PCSK5: variants seen among roughly 807,000 people sequenced by gnomAD.
The protein encoded by PCSK5 is proprotein convertase subtilisin/kexin type 5, also known as prohormone convertase 5.
A neutral mutation model predicts 233.2 loss-of-function variants in PCSK5; 129 were observed. The ratio of observed to expected loss-of-function variants is 0.55; its 90% CI spans 0.48 to 0.64. The LOEUF (loss-of-function observed/expected upper bound fraction) is 0.64, where lower values mean the gene tolerates loss of function less well. PCSK5 is among the 30% of genes least tolerant of loss of function. PCSK5 has a pLI of 0.00. For missense variants in PCSK5, 2,076 were observed against 2,430.1 expected (o/e 0.85, Z 3.06); for synonymous variants, 825 against 879.2 (o/e 0.94, Z 1.09).
chr9:75,983,252 T>A (rs1826358010), intron 2 of PCSK5, among the ~76,000 whole-genome samples: 1 of 152,214 alleles, frequency 6.6e-6, no homozygotes, highest in Non-Finnish European at 1.5e-5. Flanking sequence ...CCCATTTATA[T>A]TTATGTAATA....
intron 20 of PCSK5, among the ~76,000 whole-genome samples, chr9:76,209,309 C>T (rs959870039): frequency 6.6e-6 from 1 of 152,184 alleles, no homozygotes; most frequent in Non-Finnish European, 1.5e-5. Flanking sequence ...CTATCGCTAC[C>T]CCTTACCAGC....
intron 1 of PCSK5, among the ~76,000 whole-genome samples, chr9:75,909,873 C>G (rs1449892083): frequency 6.6e-6 from 1 of 152,118 alleles, no homozygotes; most frequent in African/African-American, 2.4e-5. Flanking sequence ...TTGAGCATGG[C>G]CAGGTGACTT....
intron 5 of PCSK5, among the ~76,000 whole-genome samples, chr9:76,062,604 C>A (rs1288767593): frequency 6.6e-6 from 1 of 151,986 alleles, no homozygotes; most frequent in Admixed American, 6.6e-5. Flanking sequence ...TGGCTTATGG[C>A]CTTTTTGTTT....
chr9:76,290,464 C>T (rs373322612), intron 24 of PCSK5, among the ~76,000 whole-genome samples: 23 of 152,326 alleles, frequency 1.5e-4, no homozygotes, highest in African/African-American at 5.5e-4. Context: ...CCATTTCCCT[C>T]CCATGAGCAG....
chr9:76,061,011 AT>A (rs1317284659), intron 5 of PCSK5, among the ~76,000 whole-genome samples: 1 of 152,210 alleles, frequency 6.6e-6, no homozygotes, highest in Non-Finnish European at 1.5e-5. Context: ...GTGTATACAA[AT>A]TAAATAGTCA....
chr9:76,226,901 T>A (rs1393900269), intron 20 of PCSK5, among the ~76,000 whole-genome samples: 2 of 152,180 alleles, frequency 1.3e-5, no homozygotes, highest in Non-Finnish European at 2.9e-5. Flanking sequence ...GGGCCCCATA[T>A]GTGTTTTTCC....
Position 76,134,099 on chromosome 9 carries a change from C to G in PCSK5, c.1209-10C>G, listed in dbSNP as rs1393003425. On this transcript the variant is annotated splice_polypyrimidine_tract_variant and intron_variant, in intron 9 of 37. Transcript: ENST00000674117. ...TTTGGTACAATGATTCTTACCTTGT[C>G]TTTCCCCAGTCCGTTTCTGACCTGG... 6.6e-7 allele frequency: 1 copy of G among 1,514,764 alleles called. No individual in the cohort carries two copies. Among genetic ancestry groups the G allele is most frequent in the Non-Finnish European group, 9.1e-7 (1 of 1,104,246 alleles). 93.8% of individuals were successfully genotyped at this position (1,514,764 alleles called of 1,614,324 possible). A position where few individuals can be genotyped will look rare whatever the true frequency, so the allele number is the denominator to read the frequency against.
intron 2 of PCSK5, among the ~76,000 whole-genome samples, chr9:75,979,846 T>A (rs1358766461): frequency 6.6e-6 from 1 of 152,202 alleles, no homozygotes; most frequent in Non-Finnish European, 1.5e-5. Flanking sequence ...ATTATTTACT[T>A]TTTGCATCAT....
chr9:76,084,889 T>G (rs768463601), intron 7 of PCSK5, among the ~76,000 whole-genome samples: 1 of 152,218 alleles, frequency 6.6e-6, no homozygotes, highest in Non-Finnish European at 1.5e-5. Context: ...GTTTTTCTGC[T>G]TCACCTGAGC....
At chr9:76,147,857 C>A (rs115991609) in intron 10 of PCSK5, among the ~76,000 whole-genome samples, 1,589 of 152,216 alleles carry the variant, frequency 0.01, 33 homozygotes, top group African/African-American at 0.035. Flanking sequence ...TGCTCCCAGC[C>A]ACATCTGTTC....
intron 5 of PCSK5, among the ~76,000 whole-genome samples, chr9:76,044,315 G>C (rs10869684): frequency 0.34 from 52,046 of 152,104 alleles, 9,573 homozygotes; most frequent in Non-Finnish European, 0.41. Flanking sequence ...ACTGATTTAT[G>C]TTTTACTAAT....
intron 24 of PCSK5, among the ~76,000 whole-genome samples, chr9:76,241,728 A>G (rs1332529575): frequency 6.6e-6 from 1 of 152,192 alleles, no homozygotes; most frequent in Admixed American, 6.5e-5. Flanking sequence ...TTGTTTCTTA[A>G]TGTACGTTTA....
chr9:76,140,076 G>A (rs772942982), intron 10 of PCSK5, among the ~76,000 whole-genome samples: 2 of 152,018 alleles, frequency 1.3e-5, no homozygotes, highest in Admixed American at 6.6e-5. Flanking sequence ...CTGAATGGTG[G>A]TATTAGGTTT....
intron 4 of PCSK5, 111 bp downstream of exon 4, chr9:76,023,992 G>C: frequency 2.3e-6 from 2 of 860,202 alleles, no homozygotes; most frequent in Non-Finnish European, 3.4e-6. Context: ...CGTACAATAG[G>C]GTATTGTGTT....
At chr9:76,116,711 C>T (rs1240541920) in intron 9 of PCSK5, among the ~76,000 whole-genome samples, 9 of 152,112 alleles carry the variant, frequency 5.9e-5, no homozygotes, top group Admixed American at 5.2e-4. Context: ...CTAAGGTAGG[C>T]ATTATCACCA....
intron 24 of PCSK5, among the ~76,000 whole-genome samples, chr9:76,289,046 C>T (rs2842486): frequency 0.21 from 31,567 of 152,002 alleles, 3,443 homozygotes; most frequent in Middle Eastern, 0.29. Flanking sequence ...AGTGACAGTA[C>T]AGATGATCCC....
At chr9:75,988,523 C>T (rs1213365617) in intron 3 of PCSK5, among the ~76,000 whole-genome samples, 1 of 152,060 alleles carries the variant, frequency 6.6e-6, no homozygotes, top group Non-Finnish European at 1.5e-5. Flanking sequence ...CTCAAGTGAT[C>T]CTCCCACGTT....
intron 35 of PCSK5, among the ~76,000 whole-genome samples, chr9:76,342,374 C>T (rs944875304): frequency 2.6e-5 from 4 of 152,100 alleles, no homozygotes; most frequent in Admixed American, 6.6e-5. Context: ...GAGCCTGCCT[C>T]TAATCCTCTT....
chr9:76,358,662 G>A lies in PCSK5; in HGVS notation c.5404G>A (p.Ala1802Thr), dbSNP rs1830363601. ...ATCTCGTGGCCGAGTCCAGCCAGCAGCAAAGGCCGGCTATGAAAAACTGGC... is the reference window on the plus strand; with the variant it reads ...ATCTCGTGGCCGAGTCCAGCCAGCAACAAAGGCCGGCTATGAAAAACTGGC... ...KKSRGRVQPA[A>T]KAGYEKLADP... The change falls in exon 38 of 38, where the codon GCA becomes ACA. Residue 1802 changes from alanine to threonine, a missense_variant. Physicochemically the swap from Ala to Thr is moderately conservative, Grantham distance 58. Around this residue, in one of 6 missense-constraint regions of PCSK5, gnomAD observed 1,510 missense variants for 1,538.1 expected, o/e 0.98. Transcript: ENST00000674117. 6.2e-7 allele frequency: 1 copy of A among 1,612,802 alleles called. No individual in the cohort carries two copies. The highest frequency in any genetic ancestry group is 2.2e-5 in the East Asian group (1 of 44,868).
Sources: gnomAD v4.1 joint callset for allele counts (sites outside exome capture counted in the v4.1 genomes callset) on GRCh38, gnomAD v4.1.1 for gene constraint, gnomAD v4.1.1 regional missense constraint, MANE v1.5 for transcripts, NCBI Gene and HGNC (gene_info 2026-07-23, HGNC 2026-07-21) for gene names.